Variants in PGS1 observed in about 807,000 individuals in gnomAD.
PGS1 encodes the protein CDP-diacylglycerol--glycerol-3-phosphate 3-phosphatidyltransferase, mitochondrial.
In PGS1, 44 loss-of-function variants were observed where a neutral mutation model predicts 58.3. The ratio of observed to expected loss-of-function variants is 0.75; its 90% CI spans 0.59 to 0.97. PGS1 has a LOEUF of 0.97. PGS1 is among the 50% of genes least tolerant of loss of function. PGS1 has a pLI of 0.00. For synonymous variants in PGS1, 330 were observed against 311.0 expected (o/e 1.06, Z -0.64); for missense variants, 684 against 731.1 (o/e 0.94, Z 0.74).
intron 7 of PGS1, among the ~76,000 whole-genome samples, chr17:78,404,568 G>A (rs1169971119): frequency 2.6e-5 from 4 of 152,052 alleles, no homozygotes; most frequent in East Asian, 3.9e-4. Context: ...TGTAAAATCC[G>A]TCTCTTTTAT....
rs1396221937 is a variant in PGS1 at position 78,404,079 on chromosome 17, C to G, written c.1392C>G (p.Phe464Leu). ...LQEYWRRGWT[F>L]HAKGLWLYLA... ...AGTACTGGCGGAGGGGCTGGACGTT[C>G]CACGCCAAAGGTGCGCAGCGGCTGG... The change falls in exon 7 of 10, where the codon TTC (phenylalanine) becomes TTG (leucine). Residue 464 changes from phenylalanine (F) to leucine (L), a missense_variant. Phe to Leu is a conservative substitution (Grantham distance 22). Coordinates refer to ENST00000262764, the MANE Select transcript of PGS1 (RefSeq NM_024419.5). The G allele has an allele frequency of 6.4e-7, 1 of 1,571,658 alleles. No homozygotes were observed. Among genetic ancestry groups the G allele is most frequent in the Admixed American group, 1.8e-5 (1 of 55,562 alleles).
rs760674610 is a variant in PGS1 at position 78,392,654 on chromosome 17, G to T, written c.322G>T (p.Glu108Ter). 1 of 1,613,762 alleles carries T rather than the reference G, an allele frequency of 6.2e-7. No homozygotes were observed. The highest frequency in any genetic ancestry group is 1.1e-5 in the South Asian group (1 of 91,034). ...GCTTTCTTCCCCGGCAGAGTTTTTCGAGCTCATGAAGGTAAGTGGTATCTA... is the reference window on the plus strand; with the variant it reads ...GCTTTCTTCCCCGGCAGAGTTTTTCTAGCTCATGAAGGTAAGTGGTATCTA... ...RVLSSPAEFF[E>*]LMKGQIRVAK... Residue 108 changes from glutamate (E) to a stop codon, truncating the protein, a stop_gained, in exon 2 of 10, where the codon GAG becomes TAG. Transcript: ENST00000262764. LOFTEE classifies it high-confidence loss of function.
rs1598415242 is a variant in PGS1 at position 78,423,104 on chromosome 17, C to CA, written c.*11-957_*11-956insA. ...CAAGAGTGAAACTCTCACTCTCCCT[C>CA]GAAAAAAAAAAAAAATGTTGATCCT... On this transcript the variant is annotated intron_variant, in intron 9 of 9. Transcript: ENST00000262764. Among the ~76,000 whole-genome samples, 19 of 78,782 alleles carry CA rather than the reference C, an allele frequency of 2.4e-4. No homozygotes were observed. In the East Asian group the frequency reaches 5.0e-3, roughly 21 times the overall value. 51.7% of individuals were successfully genotyped at this position (78,782 alleles called of 152,430 possible).
chr17:78,407,729 G>C (rs753727947), intron 7 of PGS1, among the ~76,000 whole-genome samples: 22 of 152,268 alleles, frequency 1.4e-4, no homozygotes, highest in Non-Finnish European at 2.6e-4. Flanking sequence ...ACAGCACTCT[G>C]CTGTCAGCAC....
chr17:78,398,180 G>C (rs2083387630), intron 3 of PGS1, 72 bp from the exon 4 acceptor site: 5 of 1,101,348 alleles, frequency 4.5e-6, no homozygotes, highest in South Asian at 3.7e-5. Flanking sequence ...AGCCGATGGG[G>C]CGATTTGTTT....
At chr17:78,387,008 G>GTGATGATGA (rs144953706) in intron 1 of PGS1, among the ~76,000 whole-genome samples, 1 of 123,764 alleles carries the variant, frequency 8.1e-6, no homozygotes, top group Admixed American at 8.0e-5. Flanking sequence ...GATGATGATG[G>GTGATGATGA]TGATGATGAT....
chr17:78,400,986 C>T lies in PGS1; in HGVS notation c.880+131C>T. The T allele has an allele frequency of 1.3e-6, 1 of 754,254 alleles. No homozygotes were observed. Among genetic ancestry groups the T allele is most frequent in the South Asian group, 1.9e-5 (1 of 52,850 alleles). 46.7% of individuals were successfully genotyped at this position (754,254 alleles called of 1,614,324 possible). ...TGGCAAGGCTTCATTCTGCTTTTGT[C>T]CTTGAAGCCAGACAGATGTGACTCA... On this transcript the variant is annotated intron_variant, in intron 6 of 9. Coordinates refer to ENST00000262764, the MANE Select transcript of PGS1 (RefSeq NM_024419.5). This position sits in a 1 kb window ranked among gnomAD's most constrained non-coding sequence, Gnocchi z 4.4.
chr17:78,423,281 C>T (rs1445018324), intron 9 of PGS1, among the ~76,000 whole-genome samples: 2 of 152,174 alleles, frequency 1.3e-5, no homozygotes, highest in African/African-American at 4.8e-5. Flanking sequence ...TCAGCCCAGC[C>T]ACAGAGTCCT....
At chr17:78,406,915 G>A (rs367811308) in intron 7 of PGS1, among the ~76,000 whole-genome samples, 1 of 152,322 alleles carries the variant, frequency 6.6e-6, no homozygotes, top group South Asian at 2.1e-4. Flanking sequence ...ACTCTGCCAC[G>A]GGTTATTTCC....
chr17:78,414,338 C>T (rs144774262), intron 7 of PGS1, among the ~76,000 whole-genome samples: 1 of 152,348 alleles, frequency 6.6e-6, no homozygotes, highest in East Asian at 1.9e-4. Flanking sequence ...TTGTCCTTCA[C>T]CATCTGCCGT....
rs2082910660 is a variant in PGS1, at chr17:78,392,639, C to T, written c.307C>T (p.Pro103Ser). 6.2e-7 allele frequency: 1 copy of T among 1,613,880 alleles called. No homozygotes were observed. The highest frequency in any genetic ancestry group is 1.7e-5 in the Admixed American group (1 of 59,960). ...SSSHVRVLSSPAEFFELMKGQ... is the reference protein window; with the variant it reads ...SSSHVRVLSSSAEFFELMKGQ... ...TTCTCACGTTAGGGTGCTTTCTTCC[C>T]CGGCAGAGTTTTTCGAGCTCATGAA... The change falls in exon 2 of 10, where the codon CCG becomes TCG. Residue 103 changes from proline to serine, a missense_variant. Physicochemically the swap from Pro to Ser is moderately conservative, Grantham distance 74. Coordinates refer to ENST00000262764, the MANE Select transcript of PGS1 (RefSeq NM_024419.5).
intron 3 of PGS1, among the ~76,000 whole-genome samples, chr17:78,397,387 G>A (rs1400087744): frequency 6.6e-6 from 1 of 152,112 alleles, no homozygotes; most frequent in African/African-American, 2.4e-5. Context: ...GGAGAGGGAG[G>A]TGCAGTGGGT....
At chr17:78,380,209 A>C (rs1456058598) in intron 1 of PGS1, among the ~76,000 whole-genome samples, 1 of 152,164 alleles carries the variant, frequency 6.6e-6, no homozygotes, top group Non-Finnish European at 1.5e-5. Flanking sequence ...ATCTTTAAAA[A>C]AAAAAATCTT....
intron 1 of PGS1, among the ~76,000 whole-genome samples, chr17:78,386,167 G>A (rs1050557207): frequency 2.0e-5 from 3 of 152,186 alleles, no homozygotes; most frequent in South Asian, 2.1e-4. Flanking sequence ...GGCTGGAGCC[G>A]GGCCACGGGC....
intron 7 of PGS1, among the ~76,000 whole-genome samples, chr17:78,410,588 T>C (rs896460897): frequency 4.1e-5 from 6 of 147,600 alleles, no homozygotes; most frequent in African/African-American, 7.5e-5. Flanking sequence ...ATTCTTCTGC[T>C]TCAGCCTCCC....
chr17:78,393,095 C>G (rs12451109), intron 2 of PGS1, among the ~76,000 whole-genome samples: 90,637 of 148,946 alleles, frequency 0.61, 27,629 homozygotes, highest in Admixed American at 0.65. Flanking sequence ...GAGTCTCGCT[C>G]TGTCACCCAG....
intron 7 of PGS1, among the ~76,000 whole-genome samples, chr17:78,411,829 T>C (rs185758332): frequency 4.2e-5 from 6 of 143,106 alleles, no homozygotes; most frequent in Admixed American, 3.6e-4. Context: ...TGACTGGTGG[T>C]GCGGGTCTGA....
chr17:78,413,570 C>T (rs969090689), intron 7 of PGS1, among the ~76,000 whole-genome samples: 2 of 152,182 alleles, frequency 1.3e-5, no homozygotes, highest in Non-Finnish European at 2.9e-5. Context: ...TGCTCACTCT[C>T]ATTACCTTCT....
At chr17:78,422,445 G>A (rs1011893406) in intron 9 of PGS1, among the ~76,000 whole-genome samples, 6 of 152,102 alleles carry the variant, frequency 3.9e-5, no homozygotes, top group Non-Finnish European at 7.4e-5. Flanking sequence ...AAATGTTTTT[G>A]CAAAACTTGA....
Sources: allele counts gnomAD v4.1 joint callset (sites outside exome capture counted in the v4.1 genomes callset), GRCh38; gene constraint gnomAD v4.1.1; non-coding constraint Gnocchi (gnomAD v3.1); transcripts MANE v1.5; gene names NCBI Gene and HGNC (gene_info 2026-07-23, HGNC 2026-07-21).